FTO: variants seen among roughly 807,000 people sequenced by gnomAD.
The protein encoded by FTO is FTO alpha-ketoglutarate dependent dioxygenase, also known as alpha-ketoglutarate-dependent dioxygenase FTO.
Under a neutral mutation model 63.9 loss-of-function variants are expected in FTO, and 47 were observed. The observed-to-expected ratio is 0.74, with a 90% CI of 0.58 to 0.94. FTO has a LOEUF of 0.94. Among genes scored for constraint, FTO ranks in the 40% least tolerant of loss-of-function variants. The pLI is 0.00. For missense variants in FTO, 562 were observed against 618.1 expected (o/e 0.91, Z 0.96); for synonymous variants, 207 against 224.4 (o/e 0.92, Z 0.69).
Position 53,826,732 on chromosome 16 carries a change from A to T in FTO, c.751+241A>T, listed in dbSNP as rs146053313. Among the ~76,000 whole-genome samples, 4 of 152,318 alleles carry T rather than the reference A, an allele frequency of 2.6e-5. No homozygotes were observed. The East Asian group carries it at 7.7e-4, about 29-fold the overall frequency. On this transcript the variant is annotated intron_variant, in intron 3 of 8. Transcript: ENST00000471389. ...GGCTCATTGTTATACTGTACTCAGA[A>T]TATTTTCGCACGTAAGCACTGCTGT... is the stretch of plus-strand genomic sequence containing the variant.
At chr16:53,941,039 A>G (rs2082516615) in intron 8 of FTO, among the ~76,000 whole-genome samples, 1 of 152,218 alleles carries the variant, frequency 6.6e-6, no homozygotes, top group East Asian at 1.9e-4. Flanking sequence ...GGGGCTCAAC[A>G]AGTATAACAC....
chr16:54,062,863 CAAAT>C (rs1460230148), intron 8 of FTO, among the ~76,000 whole-genome samples: 1 of 152,120 alleles, frequency 6.6e-6, no homozygotes, highest in Non-Finnish European at 1.5e-5. Context: ...CCTGCAGTGA[CAAAT>C]AGATAGTCAT....
intron 4 of FTO, among the ~76,000 whole-genome samples, chr16:53,848,065 A>T (rs2079683116): frequency 6.6e-6 from 1 of 152,166 alleles, no homozygotes; most frequent in Non-Finnish European, 1.5e-5. Flanking sequence ...TAGAATATAT[A>T]TTTTTATTAG....
intron 8 of FTO, among the ~76,000 whole-genome samples, chr16:54,094,920 T>C (rs920088369): frequency 5.9e-5 from 9 of 152,148 alleles, no homozygotes; most frequent in South Asian, 2.1e-4. Flanking sequence ...CCTCCGGCGG[T>C]TCCCCATCTC....
intron 8 of FTO, among the ~76,000 whole-genome samples, chr16:54,030,609 C>T (rs1395010250): frequency 6.6e-6 from 1 of 151,782 alleles, no homozygotes; most frequent in East Asian, 1.9e-4. Flanking sequence ...TACATCAGGC[C>T]TTTATAGTCA....
chr16:53,929,166 C>A (rs957589480), intron 7 of FTO, among the ~76,000 whole-genome samples: 2 of 152,122 alleles, frequency 1.3e-5, no homozygotes, highest in African/African-American at 4.8e-5. Flanking sequence ...TATAAACTCA[C>A]GTAACCACCA....
At chr16:53,855,483 AT>A (rs2079959292) in intron 4 of FTO, among the ~76,000 whole-genome samples, 1 of 152,070 alleles carries the variant, frequency 6.6e-6, no homozygotes, top group Admixed American at 6.5e-5. Context: ...TACTTTGAAT[AT>A]GGCTGGTGCT....
chr16:54,092,713 C>T (rs749798031), intron 8 of FTO, among the ~76,000 whole-genome samples: 56 of 152,312 alleles, frequency 3.7e-4, no homozygotes, highest in Middle Eastern at 3.4e-3. Context: ...AATTCCCAGA[C>T]GCTTACATGA....
At chr16:54,023,695 A>G (rs2084651340) in intron 8 of FTO, among the ~76,000 whole-genome samples, 1 of 152,198 alleles carries the variant, frequency 6.6e-6, no homozygotes, top group Admixed American at 6.5e-5. Flanking sequence ...GGCACTGGGA[A>G]CTTCGTGCGA....
chr16:53,719,775 C>A (rs1257490619), intron 1 of FTO, among the ~76,000 whole-genome samples: 2 of 151,350 alleles, frequency 1.3e-5, no homozygotes, highest in Non-Finnish European at 2.9e-5. Flanking sequence ...CTTACTTATT[C>A]ATTTTTATTC....
rs527250350 is a variant in FTO, at chr16:53,720,360, A to C, written c.45+16131A>C. Among the ~76,000 whole-genome samples the C allele has an allele frequency of 2.0e-5, 3 of 152,170 alleles. No homozygotes were observed. The South Asian group carries it at 6.2e-4, about 31-fold the overall frequency. On this transcript the variant is annotated intron_variant, in intron 1 of 8. Transcript: ENST00000471389. ...TTTGAATACTAACAATGTTATGTAG[A>C]TATAAATATGATTTAAAATAGGTTT...
intron 8 of FTO, among the ~76,000 whole-genome samples, chr16:54,006,853 A>G (rs1430726642): frequency 6.6e-6 from 1 of 152,176 alleles, no homozygotes; most frequent in East Asian, 1.9e-4. Context: ...ATGCAAGCCC[A>G]TGGTGTTTGT....
At chr16:53,957,312 G>A (rs899060401) in intron 8 of FTO, among the ~76,000 whole-genome samples, 8 of 152,176 alleles carry the variant, frequency 5.3e-5, no homozygotes, top group African/African-American at 9.7e-5. Flanking sequence ...TCTTTGCAAC[G>A]CACTTCCTCC....
chr16:53,873,210 G>A (rs190344479), intron 4 of FTO, among the ~76,000 whole-genome samples: 2 of 152,220 alleles, frequency 1.3e-5, no homozygotes, highest in East Asian at 3.9e-4. Context: ...TAAAGATAAG[G>A]GTAGAAGTAG....
chr16:53,731,313 A>T (rs936834826), intron 1 of FTO, among the ~76,000 whole-genome samples: 1 of 152,164 alleles, frequency 6.6e-6, no homozygotes, highest in African/African-American at 2.4e-5. Context: ...ACCTATAGGG[A>T]TCTGCTTCTC....
chr16:53,716,431 A>G (rs941932739), intron 1 of FTO, among the ~76,000 whole-genome samples: 1 of 152,174 alleles, frequency 6.6e-6, no homozygotes, highest in South Asian at 2.1e-4. Context: ...AGAACGTGGA[A>G]TCCTTTAGCT....
At chr16:53,896,945 C>G (rs2081292567) in intron 7 of FTO, among the ~76,000 whole-genome samples, 1 of 152,150 alleles carries the variant, frequency 6.6e-6, no homozygotes. Flanking sequence ...GAGAAATGTA[C>G]TCCCAGTGCC....
intron 8 of FTO, among the ~76,000 whole-genome samples, chr16:53,996,108 T>C (rs2083927843): frequency 6.6e-6 from 1 of 152,180 alleles, no homozygotes; most frequent in African/African-American, 2.4e-5. Flanking sequence ...ATTACATTGA[T>C]GTTGGTGAAG....
chr16:54,101,808 C>A (rs1253309001), intron 8 of FTO, among the ~76,000 whole-genome samples: 3 of 152,200 alleles, frequency 2.0e-5, no homozygotes, highest in African/African-American at 7.2e-5. Context: ...CCTTTTCTCC[C>A]CAACCTCGCC....
Sources: allele counts gnomAD v4.1 joint callset (sites outside exome capture counted in the v4.1 genomes callset), GRCh38; gene constraint gnomAD v4.1.1; transcripts MANE v1.5; gene names NCBI Gene and HGNC (gene_info 2026-07-23, HGNC 2026-07-21).